The following RPL32 variants were observed in gnomAD, a reference collection of about 807,000 sequenced individuals.
The protein encoded by RPL32 is ribosomal protein L32.
For missense variants in RPL32, 117 were observed against 173.7 expected (o/e 0.67, Z 1.83); for synonymous variants, 61 against 62.6 (o/e 0.98, Z 0.12).
chr3:12,838,211 A>G (rs2062114041), intron 3 of RPL32, among the ~76,000 whole-genome samples: 1 of 152,216 alleles, frequency 6.6e-6, no homozygotes, highest in African/African-American at 2.4e-5. Context: ...GTTCAAAACC[A>G]GCCTGGCCAA....
At chr3:12,839,597 GA>G (rs760654759) in intron 2 of RPL32, 67 bp from the exon 3 acceptor site, 56 of 1,455,388 alleles carry the variant, frequency 3.8e-5, no homozygotes, top group Middle Eastern at 1.7e-4. Flanking sequence ...TTTGGGGAGG[GA>G]AAAAAAGGAC....
chr3:12,837,025 T>A (rs2062105664), intron 3 of RPL32, among the ~76,000 whole-genome samples: 1 of 152,238 alleles, frequency 6.6e-6, no homozygotes, highest in Admixed American at 6.5e-5. Flanking sequence ...AATTCTTGTT[T>A]TATATGAGTC....
intron 3 of RPL32, 119 bp downstream of exon 3, chr3:12,839,230 G>T: frequency 1.2e-6 from 1 of 850,124 alleles, no homozygotes; most frequent in Non-Finnish European, 1.9e-6. Context: ...GATTCCCTCA[G>T]AGAATGTACA....
At chr3:12,836,301 C>T in intron 3 of RPL32, 78 bp from the exon 4 acceptor site, 1 of 1,561,822 alleles carries the variant, frequency 6.4e-7, no homozygotes, top group Non-Finnish European at 8.7e-7. Flanking sequence ...GGCAATGAGT[C>T]CCAGCACCAA....
intron 3 of RPL32, among the ~76,000 whole-genome samples, chr3:12,838,765 G>A (rs181237287): frequency 1.3e-5 from 2 of 152,180 alleles, no homozygotes; most frequent in East Asian, 3.9e-4. Context: ...ACCAATTCTC[G>A]ACGAGAAACA....
chr3:12,840,493 C>T (rs758426569), intron 1 of RPL32: 4 of 627,588 alleles, frequency 6.4e-6, no homozygotes, highest in African/African-American at 1.8e-5. Context: ...ATGCCAACAG[C>T]TGAGCAAATC....
rs763005756 is a variant in RPL32, at chr3:12,840,250, G to A, written c.-5-8C>T. 23 of 1,603,168 alleles carry A rather than the reference G, an allele frequency of 1.4e-5. No homozygotes were observed. The highest frequency in any genetic ancestry group is 1.9e-5 in the Non-Finnish European group (22 of 1,170,108). On this transcript the variant is annotated splice_polypyrimidine_tract_variant and splice_region_variant and intron_variant, in intron 1 of 3. Transcript: ENST00000429711. Reference sequence around the variant, plus strand: ...TGAGGGCGGCCATGATGCCTTTTGGGGAAGAAGCGGCCCCAGGTGAGGAAG... The same window carrying A: ...TGAGGGCGGCCATGATGCCTTTTGGAGAAGAAGCGGCCCCAGGTGAGGAAG...
At chr3:12,836,865 A>C (rs947872438) in intron 3 of RPL32, among the ~76,000 whole-genome samples, 6 of 152,228 alleles carry the variant, frequency 3.9e-5, no homozygotes, top group Admixed American at 2.0e-4. Context: ...TGATTTATGA[A>C]GCCACCCACA....
At chr3:12,837,444 G>A (rs1026927847) in intron 3 of RPL32, among the ~76,000 whole-genome samples, 4 of 152,218 alleles carry the variant, frequency 2.6e-5, no homozygotes, top group African/African-American at 4.8e-5. Context: ...GCCAAGCTGC[G>A]CTTACAGAGC....
chr3:12,837,295 A>G (rs960609423), intron 3 of RPL32, among the ~76,000 whole-genome samples: 1 of 151,926 alleles, frequency 6.6e-6, no homozygotes, highest in Non-Finnish European at 1.5e-5. Flanking sequence ...CTCTCATTAT[A>G]TTTTCAGTTG....
chr3:12,838,763 TC>T (rs2062121250), intron 3 of RPL32, among the ~76,000 whole-genome samples: 1 of 152,196 alleles, frequency 6.6e-6, no homozygotes, highest in African/African-American at 2.4e-5. Flanking sequence ...TAACCAATTC[TC>T]GACGAGAAAC....
chr3:12,839,055 G>A, intron 3 of RPL32: 1 of 476,618 alleles, frequency 2.1e-6, no homozygotes, highest in Non-Finnish European at 3.8e-6. Flanking sequence ...AACAGCCAAA[G>A]GATATTGTAG....
Position 12,840,134 on chromosome 3 carries a change from C to A in RPL32, c.96+8G>T. 6.2e-7 allele frequency: 1 copy of A among 1,608,890 alleles called. No individual in the cohort carries two copies. Among genetic ancestry groups the A allele is most frequent in the Non-Finnish European group, 8.5e-7 (1 of 1,175,250 alleles). ...CCCCACACCCATTTCCATCCCAGGA[C>A]CACATACCTTAATTTTGACATATCG... On this transcript the variant is annotated splice_region_variant and intron_variant, in intron 2 of 3. Coordinates refer to ENST00000429711, the MANE Select transcript of RPL32 (RefSeq NM_000994.4).
intron 3 of RPL32, 111 bp downstream of exon 3, chr3:12,839,238 A>C: frequency 1.1e-6 from 1 of 946,268 alleles, no homozygotes. Flanking sequence ...CAGAGAATGT[A>C]CAACACCCCC....
At position 12,834,520 on chromosome 3, in the gene RPL32, G is replaced by A. The variant is rs539572195; in HGVS notation, c.*1574C>T. The A allele has an allele frequency of 6.5e-6, 1 of 154,960 alleles. No homozygotes were observed. The highest frequency in any genetic ancestry group is 2.4e-5 in the African/African-American group (1 of 41,598). The allele number at this position is 154,960 out of a possible 1,614,324, so 9.6% of individuals were successfully genotyped here. A position where few individuals can be genotyped will look rare whatever the true frequency, so the allele number is the denominator to read the frequency against. ...GCAGTGATGAATCAGAAATTTGGAAGATGATACGGGTTTCTTTTTTCCAGG... is the reference window on the plus strand; with the variant it reads ...GCAGTGATGAATCAGAAATTTGGAAAATGATACGGGTTTCTTTTTTCCAGG... On this transcript the variant is annotated 3_prime_UTR_variant, in exon 4 of 4. Transcript: ENST00000429711.
At chr3:12,838,320 C>T (rs776232728) in intron 3 of RPL32, among the ~76,000 whole-genome samples, 8 of 152,170 alleles carry the variant, frequency 5.3e-5, no homozygotes, top group Non-Finnish European at 1.2e-4. Flanking sequence ...GCAGAAGAAA[C>T]GCCTGAAACT....
Position 12,839,388 on chromosome 3 carries a change from T to C in RPL32, c.239A>G (p.His80Arg). 1 of 1,614,130 alleles carries C rather than the reference T, an allele frequency of 6.2e-7. No individual in the cohort carries two copies. Among genetic ancestry groups the C allele is most frequent in the South Asian group, 1.1e-5 (1 of 91,080 alleles). The change falls in exon 3 of 4, where the codon CAC (histidine) becomes CGC (arginine). Residue 80 changes from histidine (H) to arginine (R), a missense_variant. Transcript: ENST00000429711. Reference protein sequence around the residue: ...LPSGFRKFLVHNVKELEVLLM... With the variant: ...LPSGFRKFLVRNVKELEVLLM... ...CAGCACTTCCAGCTCCTTGACGTTG[T>C]GGACCAGGAACTTCCGGAAGCCACT... is the stretch of plus-strand genomic sequence containing the variant.
intron 3 of RPL32, among the ~76,000 whole-genome samples, chr3:12,838,796 G>A (rs887416293): frequency 6.6e-6 from 1 of 152,060 alleles, no homozygotes; most frequent in Non-Finnish European, 1.5e-5. Context: ...CCAAAACCTC[G>A]AAGTGCCGCC....
At chr3:12,840,921 T>C (rs1419104290) in intron 1 of RPL32, 1 of 161,534 alleles carries the variant, frequency 6.2e-6, no homozygotes, top group Non-Finnish European at 1.4e-5. Context: ...ATGAACCACG[T>C]ATTCAAAACG....
Sources: gnomAD v4.1 joint callset for allele counts (sites outside exome capture counted in the v4.1 genomes callset) on GRCh38, gnomAD v4.1.1 for gene constraint, MANE v1.5 for transcripts, NCBI Gene and HGNC (gene_info 2026-07-23, HGNC 2026-07-21) for gene names.